COL21A1: variants seen among roughly 807,000 people sequenced by gnomAD.
The protein encoded by COL21A1 is collagen alpha-1(XXI) chain.
In COL21A1, 149 loss-of-function variants were observed where a neutral mutation model predicts 137.9. The ratio of observed to expected loss-of-function variants is 1.08; its 90% CI spans 0.95 to 1.24. The LOEUF is 1.24. Ranked by LOEUF, COL21A1 falls within the 50% of genes most tolerant of loss-of-function variation. The pLI is 0.00. For synonymous variants in COL21A1, 456 were observed against 391.5 expected, an observed-to-expected ratio of 1.16 and a Z score of -1.95; for missense variants, 1,167 against 1,158.4, an observed-to-expected ratio of 1.01 and a Z score of -0.11.
intron 12 of COL21A1, among the ~76,000 whole-genome samples, chr6:56,130,185 A>ATATATATATATATATATATATATT (rs1561898384): frequency 4.8e-4 from 7 of 14,608 alleles, no homozygotes; most frequent in African/African-American, 1.2e-3. Flanking sequence ...ATATATATAT[A>ATATATATATATATATATATATATT]TATATATATA....
chr6:56,344,867 T>G lies in COL21A1; in HGVS notation c.-39+49104A>C, dbSNP rs923712775. Among the ~76,000 whole-genome samples the G allele has an allele frequency of 3.3e-5, 5 of 151,986 alleles. No homozygotes were observed. In the South Asian group the frequency reaches 1.0e-3, roughly 32 times the overall value. The stretch of plus-strand genomic sequence containing the variant: ...CTTCCCCTTTGCCTTCCACCGTGAT[T>G]ATAAGTTTCCTGAGGCCTCCCTAAC... On this transcript the variant is annotated intron_variant, in intron 1 of 28. Transcript: ENST00000370819.
intron 16 of COL21A1, among the ~76,000 whole-genome samples, chr6:56,105,467 A>G (rs543744165): frequency 1.3e-5 from 2 of 152,190 alleles, no homozygotes; most frequent in Non-Finnish European, 2.9e-5. Context: ...GTTTGTCATT[A>G]TAATTTTGGC....
intron 1 of COL21A1, among the ~76,000 whole-genome samples, chr6:56,292,678 C>T (rs1764077638): frequency 6.6e-6 from 1 of 152,134 alleles, no homozygotes; most frequent in Admixed American, 6.5e-5. Context: ...CTGGTCAGTG[C>T]ATGACCTTCT....
chr6:56,111,766 C>CA (rs1771451740), intron 16 of COL21A1, among the ~76,000 whole-genome samples: 1 of 150,970 alleles, frequency 6.6e-6, no homozygotes, highest in Non-Finnish European at 1.5e-5. Flanking sequence ...CCCAGCTACT[C>CA]AGGAGGCTAA....
intron 1 of COL21A1, among the ~76,000 whole-genome samples, chr6:56,206,697 A>AATATATATATATATATAT (rs1204449084): frequency 9.3e-5 from 3 of 32,316 alleles, no homozygotes; most frequent in African/African-American, 2.9e-4. Context: ...TAAATAAATA[A>AATATATATATATATATAT]ATATATATAT....
intron 1 of COL21A1, among the ~76,000 whole-genome samples, chr6:56,347,828 C>T (rs1024545452): frequency 6.6e-6 from 1 of 152,166 alleles, no homozygotes. Context: ...AACTTCTCTG[C>T]TCTGGAGTAG....
chr6:56,084,138 A>G (rs1768017838), intron 17 of COL21A1, among the ~76,000 whole-genome samples: 1 of 151,922 alleles, frequency 6.6e-6, no homozygotes, highest in Non-Finnish European at 1.5e-5. Flanking sequence ...GGAATAAACC[A>G]TAATTTATAT....
intron 1 of COL21A1, among the ~76,000 whole-genome samples, chr6:56,371,950 G>A (rs2093989941): frequency 6.6e-6 from 1 of 152,136 alleles, no homozygotes. Context: ...TTGTGACTGG[G>A]TTGGACCCAA....
At chr6:56,100,245 G>C (rs1453865008) in intron 17 of COL21A1, among the ~76,000 whole-genome samples, 3 of 152,072 alleles carry the variant, frequency 2.0e-5, no homozygotes, top group Non-Finnish European at 4.4e-5. Flanking sequence ...GTCTTCCTTT[G>C]ATTCCCAGTC....
intron 1 of COL21A1, among the ~76,000 whole-genome samples, chr6:56,196,127 C>G (rs1053564689): frequency 6.6e-6 from 1 of 152,082 alleles, no homozygotes; most frequent in East Asian, 1.9e-4. Flanking sequence ...ATACGATCAT[C>G]TAAATACATA....
chr6:56,074,908 A>C (rs1767078440), intron 19 of COL21A1, among the ~76,000 whole-genome samples: 1 of 151,556 alleles, frequency 6.6e-6, no homozygotes, highest in East Asian at 1.9e-4. Flanking sequence ...ATATAATCTC[A>C]ATATGAACCT....
At chr6:56,369,681 T>C (rs1234963112) in intron 1 of COL21A1, among the ~76,000 whole-genome samples, 3 of 152,202 alleles carry the variant, frequency 2.0e-5, no homozygotes. Flanking sequence ...TTAGAATTAA[T>C]TCAATGTCTC....
At chr6:56,213,671 G>GA (rs200324645) in intron 1 of COL21A1, among the ~76,000 whole-genome samples, 20 of 150,290 alleles carry the variant, frequency 1.3e-4, no homozygotes, top group East Asian at 5.8e-4. Flanking sequence ...CTCCTTTACG[G>GA]AAAAAAAAAT....
intron 1 of COL21A1, among the ~76,000 whole-genome samples, chr6:56,390,657 C>G (rs1370929930): frequency 6.6e-6 from 1 of 151,768 alleles, no homozygotes; most frequent in Non-Finnish European, 1.5e-5. Context: ...AGTACCTACA[C>G]TTGTACTGTC....
At chr6:56,166,464 C>A (rs1024933890) in intron 7 of COL21A1, among the ~76,000 whole-genome samples, 1 of 152,066 alleles carries the variant, frequency 6.6e-6, no homozygotes, top group Non-Finnish European at 1.5e-5. Flanking sequence ...CCAGCCTGGC[C>A]AACATGGTGA....
intron 1 of COL21A1, among the ~76,000 whole-genome samples, chr6:56,302,519 A>C (rs1321812036): frequency 1.3e-5 from 2 of 151,864 alleles, no homozygotes; most frequent in Non-Finnish European, 2.9e-5. Context: ...TGGCTGCATA[A>C]ATGTCTTCTT....
chr6:56,154,205 C>G (rs1036445294), intron 10 of COL21A1, among the ~76,000 whole-genome samples: 2 of 152,170 alleles, frequency 1.3e-5, no homozygotes, highest in Admixed American at 1.3e-4. Context: ...TCCCACTCCA[C>G]TACCTCTCAC....
At chr6:56,244,853 A>C (rs1782553120) in intron 1 of COL21A1, among the ~76,000 whole-genome samples, 1 of 152,228 alleles carries the variant, frequency 6.6e-6, no homozygotes, top group African/African-American at 2.4e-5. Flanking sequence ...TAATACCATA[A>C]ATATTTTCAC....
chr6:56,079,906 A>C (rs893958960), intron 17 of COL21A1, among the ~76,000 whole-genome samples: 5 of 151,624 alleles, frequency 3.3e-5, no homozygotes, highest in African/African-American at 7.3e-5. Flanking sequence ...CATAGGCCTG[A>C]TTTATCTAAG....
Sources: gnomAD v4.1 joint callset for allele counts (sites outside exome capture counted in the v4.1 genomes callset) on GRCh38, gnomAD v4.1.1 for gene constraint, MANE v1.5 for transcripts, NCBI Gene and HGNC (gene_info 2026-07-23, HGNC 2026-07-21) for gene names.